Variants in PRKACB observed in about 807,000 individuals in gnomAD.
PRKACB encodes cAMP-dependent protein kinase catalytic subunit beta.
A neutral mutation model predicts 51.4 loss-of-function variants in PRKACB; 16 were observed. That is an observed-to-expected ratio of 0.31 (90% confidence interval 0.21 to 0.47). PRKACB has a LOEUF of 0.47. Among genes scored for constraint, PRKACB ranks in the 20% least tolerant of loss-of-function variants. The probability of loss-of-function intolerance (pLI) is 1.00; values close to 1 mark genes in which losing one functional copy is unlikely to be tolerated. For missense variants in PRKACB, 309 were observed against 464.5 expected (o/e 0.67, Z 3.08); for synonymous variants, 147 against 154.4 (o/e 0.95, Z 0.35).
chr1:84,189,698 G>A (rs1666188075), intron 5 of PRKACB, among the ~76,000 whole-genome samples: 1 of 151,798 alleles, frequency 6.6e-6, no homozygotes, highest in Admixed American at 6.6e-5. Flanking sequence ...CCTAAAACTA[G>A]GGAAATTAAT....
chr1:84,211,541 A>G (rs1672136539), intron 8 of PRKACB, among the ~76,000 whole-genome samples: 1 of 152,194 alleles, frequency 6.6e-6, no homozygotes, highest in Non-Finnish European at 1.5e-5. Context: ...AAATGAGGAA[A>G]TGTGCAGCAA....
intron 1 of PRKACB, among the ~76,000 whole-genome samples, chr1:84,112,828 A>G (rs1650343592): frequency 6.6e-6 from 1 of 152,128 alleles, no homozygotes. Flanking sequence ...ATTGATAGTT[A>G]AAGTCTTAGG....
chr1:84,126,687 G>A (rs1651645349), intron 1 of PRKACB, among the ~76,000 whole-genome samples: 1 of 152,124 alleles, frequency 6.6e-6, no homozygotes, highest in African/African-American at 2.4e-5. Context: ...CTTCTACCCA[G>A]TATTTCCCCG....
chr1:84,160,698 C>T (rs915874825), intron 1 of PRKACB, among the ~76,000 whole-genome samples: 21 of 150,680 alleles, frequency 1.4e-4, no homozygotes, highest in Middle Eastern at 4.2e-3. Flanking sequence ...TGTAGATATG[C>T]TGTAGTTTAT....
chr1:84,113,785 A>G (rs1384813823), intron 1 of PRKACB, among the ~76,000 whole-genome samples: 1 of 152,210 alleles, frequency 6.6e-6, no homozygotes, highest in Non-Finnish European at 1.5e-5. Context: ...TGAAAAGGAA[A>G]GGCAAATCTG....
At chr1:84,173,969 T>A (rs773739904) in intron 1 of PRKACB, among the ~76,000 whole-genome samples, 2 of 151,814 alleles carry the variant, frequency 1.3e-5, no homozygotes, top group African/African-American at 2.4e-5. Context: ...CGTCTAATCC[T>A]CATCATCCCT....
chr1:84,191,056 T>C (rs1358717586), intron 5 of PRKACB, among the ~76,000 whole-genome samples: 1 of 152,088 alleles, frequency 6.6e-6, no homozygotes, highest in Non-Finnish European at 1.5e-5. Flanking sequence ...TTTGATCCTG[T>C]TATTATGTTA....
chr1:84,235,059 C>A, intron 9 of PRKACB, 121 bp from the exon 10 acceptor site: 1 of 1,044,052 alleles, frequency 9.6e-7, no homozygotes, highest in Non-Finnish European at 1.4e-6. Context: ...ATTTTAGGAA[C>A]CTAATGGCAT....
intron 1 of PRKACB, among the ~76,000 whole-genome samples, chr1:84,084,040 A>C (rs1055519956): frequency 6.6e-6 from 1 of 152,184 alleles, no homozygotes; most frequent in Non-Finnish European, 1.5e-5. Flanking sequence ...ACCTGCCACA[A>C]ATCCTTTCAT....
chr1:84,194,956 A>C (rs776777968), intron 5 of PRKACB, among the ~76,000 whole-genome samples: 1 of 152,174 alleles, frequency 6.6e-6, no homozygotes, highest in Non-Finnish European at 1.5e-5. Flanking sequence ...TATGTAATGT[A>C]TGTGTTCCTC....
At chr1:84,165,009 G>A in intron 1 of PRKACB, 2 of 1,539,774 alleles carry the variant, frequency 1.3e-6, no homozygotes, top group Admixed American at 2.0e-5. Context: ...TTTTCATCAT[G>A]AGTGGTAAGT....
chr1:84,099,191 T>G lies in PRKACB; in HGVS notation c.46+20820T>G, dbSNP rs189723031. On this transcript the variant is annotated intron_variant, in intron 1 of 8. Transcript: ENST00000370688. ...CCAATTTTATTTGTAGTGTTAAGTA[T>G]AGTAAGAAATATAAGTACAATACCT... Among the ~76,000 whole-genome samples the G allele has an allele frequency of 1.3e-3, 201 of 152,240 alleles. 6 individuals are homozygous for G. The highest frequency in any genetic ancestry group is 0.01 in the Middle Eastern group (3 of 294).
At position 84,214,321 on chromosome 1, in the gene PRKACB, A is replaced by C; in HGVS notation, c.1071+4A>C. ...GATTGCTATTTACCAGAGGAAGGTG[A>C]GACTTTCTTTTTTAATTTAAAAGCT... is the stretch of plus-strand genomic sequence containing the variant. On this transcript the variant is annotated splice_donor_region_variant and intron_variant, in intron 9 of 9. Transcript: ENST00000370685. The C allele has an allele frequency of 6.4e-7, 1 of 1,561,442 alleles. No individual in the cohort carries two copies. The highest frequency in any genetic ancestry group is 8.6e-7 in the Non-Finnish European group (1 of 1,157,132).
chr1:84,190,915 G>A (rs1666591425), intron 5 of PRKACB, among the ~76,000 whole-genome samples: 2 of 151,976 alleles, frequency 1.3e-5, no homozygotes. Context: ...CTTTGAGCTT[G>A]TGAGTGTCCT....
chr1:84,182,139 T>C, intron 2 of PRKACB, 61 bp from the exon 3 acceptor site: 1 of 1,207,342 alleles, frequency 8.3e-7, no homozygotes, highest in South Asian at 2.2e-5. Flanking sequence ...TATTAAAGCA[T>C]TTATAATTCC....
rs1292073657 is a variant in PRKACB, at chr1:84,237,940, C to T, written c.*2635C>T. 6.6e-6 allele frequency: 1 copy of T among 152,050 alleles called. No individual in the cohort carries two copies. Among genetic ancestry groups the T allele is most frequent in the East Asian group, 1.9e-4 (1 of 5,200 alleles). 9.4% of individuals were successfully genotyped at this position (152,050 alleles called of 1,614,324 possible). On this transcript the variant is annotated 3_prime_UTR_variant, in exon 10 of 10. Transcript: ENST00000370685. Reference sequence around the variant, plus strand: ...TAAGATTCCTCCTAACTTTCACAGTCGATGACAAGATTGTCTTTTTATCTG... The same window carrying T: ...TAAGATTCCTCCTAACTTTCACAGTTGATGACAAGATTGTCTTTTTATCTG...
chr1:84,149,713 T>C (rs1654591007), intron 1 of PRKACB, among the ~76,000 whole-genome samples: 4 of 152,200 alleles, frequency 2.6e-5, no homozygotes, highest in Admixed American at 2.6e-4. Context: ...TTTTAATGTT[T>C]TGCTATTAAA....
intron 7 of PRKACB, among the ~76,000 whole-genome samples, 162 bp from the exon 8 acceptor site, chr1:84,202,521 C>G (rs959735921): frequency 6.6e-6 from 1 of 151,962 alleles, no homozygotes; most frequent in Admixed American, 6.6e-5. Context: ...TAAATCTGAC[C>G]TGATACATTT....
chr1:84,215,914 T>G (rs548979910), intron 9 of PRKACB, among the ~76,000 whole-genome samples: 1 of 152,320 alleles, frequency 6.6e-6, no homozygotes, highest in South Asian at 2.1e-4. Flanking sequence ...TCTAATGTTT[T>G]AGAGACATGT....
Sources: gnomAD v4.1 joint callset for allele counts (sites outside exome capture counted in the v4.1 genomes callset) on GRCh38, gnomAD v4.1.1 for gene constraint, MANE v1.5 for transcripts, NCBI Gene and HGNC (gene_info 2026-07-23, HGNC 2026-07-21) for gene names.